The following KIAA1217 variants were observed in gnomAD, a reference collection of about 807,000 sequenced individuals.
KIAA1217 encodes sickle tail protein homolog.
A neutral mutation model predicts 163.9 loss-of-function variants in KIAA1217; 88 were observed. The observed-to-expected ratio is 0.54, with a 90% CI of 0.45 to 0.64. The LOEUF (loss-of-function observed/expected upper bound fraction) is 0.64. KIAA1217 is among the 30% of genes least tolerant of loss of function. The pLI is 0.00. For missense variants in KIAA1217, 2,372 were observed against 2,475.0 expected, an observed-to-expected ratio of 0.96 and a Z score of 0.88; for synonymous variants, 903 against 923.1, an observed-to-expected ratio of 0.98 and a Z score of 0.39.
chr10:24,449,484 G>A, intron 5 of KIAA1217: 1 of 985,382 alleles, frequency 1.0e-6, no homozygotes, highest in South Asian at 4.7e-5. Flanking sequence ...TAGTTATGCT[G>A]ATTTCCGGGA....
intron 2 of KIAA1217, among the ~76,000 whole-genome samples, chr10:24,324,480 T>C (rs2044604795): frequency 6.6e-6 from 1 of 152,286 alleles, no homozygotes; most frequent in Admixed American, 6.5e-5. Flanking sequence ...GGCAGGAGAA[T>C]TGCTTGAACC....
In KIAA1217 at chr10:24,473,676, C is replaced by T. The variant is rs901280897; in HGVS notation, c.1295C>T (p.Ala432Val). ...TATCACCGCACCGCCATCCGGTCAG[C>T]GAGTGCTTATTGTAACCCCTCAATG... The part of the protein sequence containing the change: ...IAYHRTAIRS[A>V]SAYCNPSMQA... The change falls in exon 6 of 21, where the codon GCG becomes GTG. Residue 432 changes from alanine to valine, a missense_variant. Physicochemically the swap from Ala to Val is moderately conservative, Grantham distance 64. This residue lies in a region of KIAA1217 where 1,431 missense variants were observed against 1,470.3 expected (regional missense o/e 0.97). Coordinates refer to ENST00000376454, the MANE Select transcript of KIAA1217 (RefSeq NM_019590.5). 27 of 1,614,040 alleles carry T rather than the reference C, an allele frequency of 1.7e-5. No individual in the cohort carries two copies. The highest frequency in any genetic ancestry group is 2.3e-5 in the Non-Finnish European group (27 of 1,180,018).
intron 8 of KIAA1217, among the ~76,000 whole-genome samples, chr10:24,497,024 T>C (rs2066875863): frequency 6.6e-6 from 1 of 152,240 alleles, no homozygotes; most frequent in African/African-American, 2.4e-5. Flanking sequence ...CTGCTAGGTT[T>C]GGACTTTCTC....
At chr10:24,218,327 C>G (rs11013981) in intron 1 of KIAA1217, among the ~76,000 whole-genome samples, 37,165 of 151,756 alleles carry the variant, frequency 0.24, 5,433 homozygotes, top group East Asian at 0.34. Context: ...CTGTTCTTAG[C>G]AGAAACCAAC....
chr10:24,004,643 C>G (rs1474888028), intron 1 of KIAA1217, among the ~76,000 whole-genome samples: 4 of 152,184 alleles, frequency 2.6e-5, no homozygotes, highest in African/African-American at 9.7e-5. Context: ...GCAAATAACT[C>G]AAGGTGTATT....
rs554560732 is a variant in KIAA1217 at position 23,790,573 on chromosome 10, A to G, written c.-321+95339A>G. Among the ~76,000 whole-genome samples, 18 of 123,882 alleles carry G rather than the reference A, an allele frequency of 1.5e-4. 1 individual carries two copies. Among genetic ancestry groups the G allele is most frequent in the African/African-American group, 5.4e-4 (15 of 27,820 alleles). The allele number at this position is 123,882 out of a possible 152,430, so 81.3% of individuals were successfully genotyped here. On this transcript the variant is annotated intron_variant, in intron 1 of 18. Coordinates refer to the KIAA1217 transcript ENST00000376462. ...TATACATATGTACATATGTATATATACATATGTATATGTACATATATACAT... is the reference window on the plus strand; with the variant it reads ...TATACATATGTACATATGTATATATGCATATGTATATGTACATATATACAT...
chr10:23,943,614 A>C (rs1415399830), intron 1 of KIAA1217, among the ~76,000 whole-genome samples: 1 of 152,242 alleles, frequency 6.6e-6, no homozygotes, highest in Non-Finnish European at 1.5e-5. Context: ...ATAGGCAATA[A>C]ATTGATGAAT....
At chr10:24,235,015 T>C (rs2072029001) in intron 2 of KIAA1217, among the ~76,000 whole-genome samples, 1 of 152,154 alleles carries the variant, frequency 6.6e-6, no homozygotes, top group African/African-American at 2.4e-5. Context: ...CAGATACATG[T>C]TGGAGGGATC....
At chr10:24,182,437 A>ACCACACAC (rs755699331) in intron 2 of KIAA1217, among the ~76,000 whole-genome samples, 40,063 of 108,462 alleles carry the variant, frequency 0.37, 5,823 homozygotes, top group Non-Finnish European at 0.47. Flanking sequence ...GCAAGACTCC[A>ACCACACAC]TCACACACAC....
In KIAA1217 at chr10:23,730,920, C is replaced by G. The variant is rs1838440036; in HGVS notation, c.-321+35686C>G. On this transcript the variant is annotated intron_variant, in intron 1 of 18. Coordinates refer to the KIAA1217 transcript ENST00000376462. The stretch of plus-strand genomic sequence containing the variant: ...AGTTCTTTCAGATTTTCTTCATAGA[C>G]TAACATATCATCTGCAAACAAAGAC... Among the ~76,000 whole-genome samples the G allele has an allele frequency of 2.6e-5, 4 of 152,150 alleles. No individual in the cohort carries two copies. In the South Asian group the frequency reaches 8.3e-4, roughly 32 times the overall value.
At chr10:23,841,188 A>T (rs188017867) in intron 1 of KIAA1217, among the ~76,000 whole-genome samples, 10 of 152,354 alleles carry the variant, frequency 6.6e-5, no homozygotes, top group Middle Eastern at 6.8e-3. Flanking sequence ...ACTATTTGGC[A>T]ATTTCTATGA....
At chr10:23,799,641 G>T (rs1452145688) in intron 1 of KIAA1217, among the ~76,000 whole-genome samples, 1 of 152,096 alleles carries the variant, frequency 6.6e-6, no homozygotes, top group Non-Finnish European at 1.5e-5. Context: ...ATTAATTTCT[G>T]ATGTTTTGAG....
At chr10:23,976,901 A>G (rs868545008) in intron 1 of KIAA1217, among the ~76,000 whole-genome samples, 1 of 152,194 alleles carries the variant, frequency 6.6e-6, no homozygotes, top group Non-Finnish European at 1.5e-5. Context: ...TGTGCATTTA[A>G]CTTGCTCTAA....
At chr10:23,795,263 A>G (rs1045941580) in intron 1 of KIAA1217, among the ~76,000 whole-genome samples, 1 of 152,184 alleles carries the variant, frequency 6.6e-6, no homozygotes, top group African/African-American at 2.4e-5. Flanking sequence ...TTACTAAAGA[A>G]ACAAATTCCC....
At chr10:23,759,051 C>T (rs1355292932) in intron 1 of KIAA1217, among the ~76,000 whole-genome samples, 1 of 152,182 alleles carries the variant, frequency 6.6e-6, no homozygotes, top group Non-Finnish European at 1.5e-5. Context: ...AACCCATGAA[C>T]ATGGGAAATC....
At chr10:23,867,877 T>C (rs1021944768) in intron 1 of KIAA1217, among the ~76,000 whole-genome samples, 9 of 152,216 alleles carry the variant, frequency 5.9e-5, no homozygotes, top group Non-Finnish European at 1.2e-4. Context: ...TTTGTCAATT[T>C]TGGCTTTTGT....
chr10:23,746,574 C>A (rs1353044138), intron 1 of KIAA1217, among the ~76,000 whole-genome samples: 1 of 152,038 alleles, frequency 6.6e-6, no homozygotes, highest in East Asian at 1.9e-4. Context: ...CAGGCGCCCG[C>A]CACCACGCCC....
intron 1 of KIAA1217, among the ~76,000 whole-genome samples, chr10:23,913,321 T>G (rs1842511595): frequency 2.0e-5 from 3 of 151,916 alleles, no homozygotes; most frequent in Admixed American, 2.0e-4. Context: ...AGTACATGAG[T>G]TTATATTGGC....
intron 6 of KIAA1217, among the ~76,000 whole-genome samples, chr10:24,491,404 C>G (rs540759207): frequency 2.0e-5 from 3 of 151,114 alleles, no homozygotes; most frequent in East Asian, 2.0e-4. Flanking sequence ...ATTCTCCTGC[C>G]TCAGCCTCCC....
Sources: gnomAD v4.1 joint callset for allele counts (sites outside exome capture counted in the v4.1 genomes callset) on GRCh38, gnomAD v4.1.1 for gene constraint, gnomAD v4.1.1 regional missense constraint, MANE v1.5 for transcripts, NCBI Gene and HGNC (gene_info 2026-07-23, HGNC 2026-07-21) for gene names.